Variants in PLAGL1 observed in about 807,000 individuals in gnomAD.
The protein encoded by PLAGL1 is zinc finger protein PLAGL1.
PLAGL1 carries 1 observed loss-of-function variant against 4.6 expected under a neutral mutation model. The observed-to-expected ratio is 0.22, with a 90% confidence interval of 0.08 to 1.03. The LOEUF is 1.03. Ranked by LOEUF, PLAGL1 falls within the 50% of genes least tolerant of loss-of-function variation. The pLI, the probability that PLAGL1 is intolerant of heterozygous loss-of-function variation, is 0.58. For missense variants in PLAGL1, 464 were observed against 570.4 expected (o/e 0.81, Z 1.90); for synonymous variants, 240 against 237.8 (o/e 1.01, Z -0.08).
intron 1 of PLAGL1, among the ~76,000 whole-genome samples, chr6:143,999,600 GT>G (rs1792395667): frequency 6.6e-6 from 1 of 152,204 alleles, no homozygotes; most frequent in South Asian, 2.1e-4. Context: ...AGTTGGGAAT[GT>G]TGCCACCTCA....
intron 1 of PLAGL1, among the ~76,000 whole-genome samples, chr6:144,060,599 T>G (rs1343804722): frequency 6.6e-6 from 1 of 152,226 alleles, no homozygotes; most frequent in Non-Finnish European, 1.5e-5. Flanking sequence ...AGATTAAATC[T>G]GCCTCTTCCC....
In PLAGL1 at chr6:144,027,238, A is replaced by C. The variant is rs79005165; in HGVS notation, c.-151+37230T>G. ...GACCCCAACTCAAAGAACGAACGAA[A>C]GAAAGAAAGAAAGAAAGAAAGAAAG... On this transcript the variant is annotated intron_variant, in intron 1 of 3. Coordinates refer to the PLAGL1 transcript ENST00000437412. The surrounding 1 kb of genome is among the most constrained non-coding windows in gnomAD (Gnocchi z 5.8). Among the ~76,000 whole-genome samples, 2,619 of 65,178 alleles carry C rather than the reference A, an allele frequency of 0.04. 32 individuals carry two copies. The highest frequency in any genetic ancestry group is 0.16 in the East Asian group (377 of 2,400). 42.8% of individuals were successfully genotyped at this position (65,178 alleles called of 152,430 possible).
chr6:144,017,148 A>AT (rs981018132), intron 1 of PLAGL1, among the ~76,000 whole-genome samples: 1 of 152,196 alleles, frequency 6.6e-6, no homozygotes, highest in African/African-American at 2.4e-5. Context: ...CTTAGATTTA[A>AT]TTTTCTCTAA....
At position 143,942,570 on chromosome 6, in the gene PLAGL1, C is replaced by T; in HGVS notation, c.246G>A (p.Gln82=). 6.2e-7 allele frequency: 1 copy of T among 1,614,120 alleles called. No homozygotes were observed. Among genetic ancestry groups the T allele is most frequent in the Non-Finnish European group, 8.5e-7 (1 of 1,180,030 alleles). ...NRKDHLKNHL[Q]THDPNKMAFG... The stretch of plus-strand genomic sequence containing the variant: ...AGGCCATTTTGTTGGGGTCGTGGGT[C>T]TGGAGGTGGTTTTTCAGGTGGTCTT... Residue 82 remains glutamine (Q), a synonymous_variant, in exon 8 of 8, where the codon CAG becomes CAA. Transcript: ENST00000674357. This position sits in a 1 kb window ranked among gnomAD's most constrained non-coding sequence, Gnocchi z 7.6.
In PLAGL1 at chr6:144,048,925, A is replaced by G. The variant is rs542096451; in HGVS notation, c.-151+15543T>C. On this transcript the variant is annotated intron_variant, in intron 1 of 3. Coordinates refer to the PLAGL1 transcript ENST00000437412. This position sits in a 1 kb window ranked among gnomAD's most constrained non-coding sequence, Gnocchi z 4.8. The stretch of plus-strand genomic sequence containing the variant: ...ATGCTCTGCTTCCCTTTTAAATCCA[A>G]ATTCCAATTTCAAACCATCTCTTTG... 6.6e-6 allele frequency among the ~76,000 whole-genome samples: 1 copy of G among 152,274 alleles called. No individual in the cohort carries two copies. The highest frequency in any genetic ancestry group is 1.5e-5 in the Non-Finnish European group (1 of 68,018).
rs567535514 is a variant in PLAGL1 at position 144,022,993 on chromosome 6, C to G, written c.-151+41475G>C. Among the ~76,000 whole-genome samples the G allele has an allele frequency of 6.6e-6, 1 of 152,276 alleles. No homozygotes were observed. Among genetic ancestry groups the G allele is most frequent in the African/African-American group, 2.4e-5 (1 of 41,558 alleles). On this transcript the variant is annotated intron_variant, in intron 1 of 3. Coordinates refer to the PLAGL1 transcript ENST00000437412. This position sits in a 1 kb window ranked among gnomAD's most constrained non-coding sequence, Gnocchi z 4.2. ...CAAAAACTGGGAGCAACCACAATGT[C>G]CCTCAATAGATGAATGGACAAACTA...
At chr6:143,974,165 A>G (rs941982148) in intron 2 of PLAGL1, among the ~76,000 whole-genome samples, 3 of 152,204 alleles carry the variant, frequency 2.0e-5, no homozygotes, top group African/African-American at 7.2e-5. Context: ...TGAATTGCTT[A>G]TTTCACACCT....
chr6:144,049,796 A>T (rs951326566), intron 1 of PLAGL1, among the ~76,000 whole-genome samples: 2 of 152,212 alleles, frequency 1.3e-5, no homozygotes, highest in Non-Finnish European at 2.9e-5. Flanking sequence ...TTTTTCAAAT[A>T]AAAAACTGAG....
chr6:143,964,442 C>T lies in PLAGL1; in HGVS notation c.-399+345G>A, dbSNP rs1209547502. On this transcript the variant is annotated intron_variant, in intron 5 of 7. Coordinates refer to ENST00000674357, the MANE Select transcript of PLAGL1 (RefSeq NM_001317162.2). This position sits in a 1 kb window ranked among gnomAD's most constrained non-coding sequence, Gnocchi z 4.3. ...TTCCTCTAGGTTGGCAGAATGGGGA[C>T]TGGAGTCCGTTTTCATTATGGGGAA... is the stretch of plus-strand genomic sequence containing the variant. Among the ~76,000 whole-genome samples the T allele has an allele frequency of 6.6e-6, 1 of 152,148 alleles. No homozygotes were observed. The highest frequency in any genetic ancestry group is 2.1e-4 in the South Asian group (1 of 4,826).
chr6:144,048,462 A>G lies in PLAGL1; in HGVS notation c.-151+16006T>C, dbSNP rs546479398. ...TCTGCCTGGACATTCAGGCATTTCC[A>G]TACATCCTTTGAAGTCTAGGCAGAG... is the stretch of plus-strand genomic sequence containing the variant. On this transcript the variant is annotated intron_variant, in intron 1 of 3. Transcript: ENST00000437412. This position sits in a 1 kb window ranked among gnomAD's most constrained non-coding sequence, Gnocchi z 4.8. Among the ~76,000 whole-genome samples the G allele has an allele frequency of 1.3e-5, 2 of 152,192 alleles. No homozygotes were observed. The highest frequency in any genetic ancestry group is 6.5e-5 in the Admixed American group (1 of 15,284).
At chr6:144,019,381 A>G (rs180733634) in intron 1 of PLAGL1, among the ~76,000 whole-genome samples, 2 of 152,196 alleles carry the variant, frequency 1.3e-5, no homozygotes, top group Non-Finnish European at 2.9e-5. Flanking sequence ...CTGAGGCAGG[A>G]TAGTTGCTCA....
At chr6:144,011,500 A>G (rs1428933964), upstream of PLAGL1, among the ~76,000 whole-genome samples, 1 of 152,196 alleles carries the variant, frequency 6.6e-6, no homozygotes, top group Admixed American at 6.5e-5. The surrounding 1 kb of genome is among the most constrained non-coding windows in gnomAD (Gnocchi z 4.3). Context: ...TAGTATTCTT[A>G]TCTGGGCTAT....
At chr6:143,977,791 C>A (rs1167158030) in intron 2 of PLAGL1, among the ~76,000 whole-genome samples, 1 of 152,166 alleles carries the variant, frequency 6.6e-6, no homozygotes, top group Non-Finnish European at 1.5e-5. Context: ...TGAGCCACTG[C>A]ACCCGGCCAG....
At position 144,022,281 on chromosome 6, in the gene PLAGL1, AT is replaced by A. The variant is rs1351305903; in HGVS notation, c.-151+42186del. Among the ~76,000 whole-genome samples, 1 of 152,274 alleles carries A rather than the reference AT, an allele frequency of 6.6e-6. No individual in the cohort carries two copies. Among genetic ancestry groups the A allele is most frequent in the African/African-American group, 2.4e-5 (1 of 41,482 alleles). ...AGATATGTAGATGGCATGTAAGCATATGAAAAGATGTTCAGCATCATTTGTC... is the reference window on the plus strand; with the variant it reads ...AGATATGTAGATGGCATGTAAGCATAGAAAAGATGTTCAGCATCATTTGTC... On this transcript the variant is annotated intron_variant, in intron 1 of 3. Transcript: ENST00000437412. This position sits in a 1 kb window ranked among gnomAD's most constrained non-coding sequence, Gnocchi z 4.2.
chr6:143,990,949 C>T lies in PLAGL1; in HGVS notation c.-583-5775G>A, dbSNP rs1028614706. Among the ~76,000 whole-genome samples, 7 of 152,224 alleles carry T rather than the reference C, an allele frequency of 4.6e-5. No homozygotes were observed. Among genetic ancestry groups the T allele is most frequent in the African/African-American group, 1.7e-4 (7 of 41,450 alleles). Reference sequence around the variant, plus strand: ...GGTGTCAATTATTTAATTGTTCCAACCACATGAGAATAGGTGGCTTTAGCC... The same window carrying T: ...GGTGTCAATTATTTAATTGTTCCAATCACATGAGAATAGGTGGCTTTAGCC... On this transcript the variant is annotated intron_variant, in intron 1 of 7. Coordinates refer to ENST00000674357, the MANE Select transcript of PLAGL1 (RefSeq NM_001317162.2). The surrounding 1 kb of genome is among the most constrained non-coding windows in gnomAD (Gnocchi z 5.4).
intron 1 of PLAGL1, among the ~76,000 whole-genome samples, chr6:144,043,691 T>TAA (rs1797912020): frequency 6.6e-6 from 1 of 152,190 alleles, no homozygotes; most frequent in Non-Finnish European, 1.5e-5. Context: ...GCTGGCCTCA[T>TAA]AAAATGAGTT....
intron 2 of PLAGL1, among the ~76,000 whole-genome samples, chr6:143,980,363 C>G (rs1453597053): frequency 6.7e-6 from 1 of 150,202 alleles, no homozygotes; most frequent in African/African-American, 2.4e-5. Context: ...CCACAGCTCA[C>G]TGATGTGCTA....
rs1785573721 is a variant in PLAGL1, at chr6:143,972,343, G to A, written c.-543-3365C>T. Among the ~76,000 whole-genome samples the A allele has an allele frequency of 6.6e-6, 1 of 152,200 alleles. No homozygotes were observed. Among genetic ancestry groups the A allele is most frequent in the Admixed American group, 6.5e-5 (1 of 15,282 alleles). ...TAATAGAGGTGTACACAAAGGGCTGGGGGCCAAAGGAAGAAGCCATAAATT... is the reference window on the plus strand; with the variant it reads ...TAATAGAGGTGTACACAAAGGGCTGAGGGCCAAAGGAAGAAGCCATAAATT... On this transcript the variant is annotated intron_variant, in intron 2 of 7. Coordinates refer to ENST00000674357, the MANE Select transcript of PLAGL1 (RefSeq NM_001317162.2). The surrounding 1 kb of genome is among the most constrained non-coding windows in gnomAD (Gnocchi z 6.8).
chr6:144,059,114 G>A lies in PLAGL1; in HGVS notation c.-151+5354C>T, dbSNP rs1396497322. 6.6e-6 allele frequency among the ~76,000 whole-genome samples: 1 copy of A among 152,236 alleles called. No homozygotes were observed. The highest frequency in any genetic ancestry group is 1.5e-5 in the Non-Finnish European group (1 of 68,050). ...CCTGTACACTCAGGCTTTCTGATAT[G>A]TCATTGGAAATATAGGTGGAAGCTG... is the stretch of plus-strand genomic sequence containing the variant. On this transcript the variant is annotated intron_variant, in intron 1 of 3. Coordinates refer to the PLAGL1 transcript ENST00000437412. The surrounding 1 kb of genome is among the most constrained non-coding windows in gnomAD (Gnocchi z 4.9).
Sources: gnomAD v4.1 joint callset for allele counts (sites outside exome capture counted in the v4.1 genomes callset) on GRCh38, gnomAD v4.1.1 for gene constraint, Gnocchi (gnomAD v3.1) non-coding constraint, MANE v1.5 for transcripts, NCBI Gene and HGNC (gene_info 2026-07-23, HGNC 2026-07-21) for gene names.